Variants in MTIF2 observed in about 807,000 individuals in gnomAD.
MTIF2 encodes the protein mitochondrial translational initiation factor 2.
MTIF2 carries 71 observed loss-of-function variants against 83.5 expected under a neutral mutation model. The ratio of observed to expected loss-of-function variants is 0.85; its 90% CI spans 0.70 to 1.04. MTIF2 has a LOEUF of 1.04. MTIF2 is among the 50% of genes least tolerant of loss of function. The pLI is 0.00. For missense variants in MTIF2, 957 were observed against 846.5 expected, an observed-to-expected ratio of 1.13 and a Z score of -1.62; for synonymous variants, 319 against 287.1, an observed-to-expected ratio of 1.11 and a Z score of -1.12.
At chr2:55,265,438 G>A (rs913195498) in intron 3 of MTIF2, among the ~76,000 whole-genome samples, 1 of 151,520 alleles carries the variant, frequency 6.6e-6, no homozygotes, top group Non-Finnish European at 1.5e-5. Flanking sequence ...CACTACCTAT[G>A]ATGACTGATT....
At chr2:55,259,733 CAGG>C (rs747430824) in intron 5 of MTIF2, among the ~76,000 whole-genome samples, 1 of 152,154 alleles carries the variant, frequency 6.6e-6, no homozygotes, top group Non-Finnish European at 1.5e-5. Context: ...CACTTGAGGT[CAGG>C]AGTTCAAGAC....
chr2:55,249,336 G>T (rs1240296102), intron 9 of MTIF2, 59 bp downstream of exon 9: 3 of 1,576,756 alleles, frequency 1.9e-6, no homozygotes, highest in East Asian at 4.5e-5. Flanking sequence ...GTAATATACT[G>T]TGTGCATTAT....
Position 55,246,438 on chromosome 2 carries a change from T to C in MTIF2, c.1005A>G (p.Ala335=), listed in dbSNP as rs1301395926. ...TTTCTGCAAGAGCAACTGTTGCTTCTGCCAAAGCCATCAGATTATCGCCCT... is the reference window on the plus strand; with the variant it reads ...TTTCTGCAAGAGCAACTGTTGCTTCCGCCAAAGCCATCAGATTATCGCCCT... The part of the protein sequence containing the change: ...ALTGDNLMAL[A]EATVALAEML... Residue 335 remains alanine, a synonymous_variant, in exon 10 of 16, where the codon GCA becomes GCG. Coordinates refer to ENST00000263629, the MANE Select transcript of MTIF2 (RefSeq NM_002453.3). 1.2e-6 allele frequency: 2 copies of C among 1,613,682 alleles called. No homozygotes were observed. Among genetic ancestry groups the C allele is most frequent in the African/African-American group, 2.7e-5 (2 of 74,938 alleles).
At position 55,263,749 on chromosome 2, in the gene MTIF2, A is replaced by C. The variant is rs1293190349; in HGVS notation, c.110T>G (p.Phe37Cys). ...TGTCCACACAGGGTAAGCAGATGAAAACCCATGCCTCCACTGTCTTAATGC... is the reference window on the plus strand; with the variant it reads ...TGTCCACACAGGGTAAGCAGATGAACACCCATGCCTCCACTGTCTTAATGC... ...RRALRQWRHG[F>C]SSAYPVWTAQ... The change falls in exon 4 of 16, where the codon TTT (phenylalanine) becomes TGT (cysteine). Residue 37 changes from phenylalanine (F) to cysteine (C), a missense_variant. Transcript: ENST00000263629. The C allele has an allele frequency of 8.1e-6, 13 of 1,614,172 alleles. No homozygotes were observed. Among genetic ancestry groups the C allele is most frequent in the Middle Eastern group, 3.3e-4 (2 of 6,062 alleles).
At chr2:55,242,856 A>ATCTCGGTGGT in intron 13 of MTIF2, 84 bp downstream of exon 13, 2 of 1,413,914 alleles carry the variant, frequency 1.4e-6, no homozygotes, top group Non-Finnish European at 9.6e-7. Context: ...GTCAGGTGTG[A>ATCTCGGTGGT]CAAGCCAAGC....
At chr2:55,246,156 A>G (rs1185820409) in intron 10 of MTIF2, among the ~76,000 whole-genome samples, 181 bp downstream of exon 10, 1 of 152,260 alleles carries the variant, frequency 6.6e-6, no homozygotes, top group Non-Finnish European at 1.5e-5. Flanking sequence ...GTCTACTGAT[A>G]ATAACTGCAT....
intron 13 of MTIF2, 125 bp downstream of exon 13, chr2:55,242,815 A>C: frequency 1.1e-6 from 1 of 939,832 alleles, no homozygotes; most frequent in Non-Finnish European, 1.6e-6. Flanking sequence ...ACTGGACTAT[A>C]GCAGGAAGGG....
At chr2:55,251,546 T>C (rs1317636380) in intron 8 of MTIF2, among the ~76,000 whole-genome samples, 5 of 152,206 alleles carry the variant, frequency 3.3e-5, no homozygotes, top group Admixed American at 6.6e-5. Flanking sequence ...CTGGGGGTAA[T>C]ATGACACACT....
chr2:55,254,321 G>C, intron 6 of MTIF2, 120 bp from the exon 7 acceptor site: 2 of 1,139,190 alleles, frequency 1.8e-6, no homozygotes, highest in East Asian at 2.6e-5. Context: ...TATTCAGTGT[G>C]GATTAGACCT....
At chr2:55,243,780 C>G (rs1168135926) in intron 11 of MTIF2, 112 bp from the exon 12 acceptor site, 2 of 1,162,420 alleles carry the variant, frequency 1.7e-6, no homozygotes, top group Non-Finnish European at 2.4e-6. Flanking sequence ...TATGAAACTA[C>G]TACTTTTATA....
chr2:55,253,930 A>T, intron 7 of MTIF2, 111 bp downstream of exon 7: 1 of 1,167,326 alleles, frequency 8.6e-7, no homozygotes. Flanking sequence ...TAATGACTGC[A>T]AGCTTTAGCC....
At chr2:55,244,328 A>C in intron 10 of MTIF2, 95 bp from the exon 11 acceptor site, 1 of 900,008 alleles carries the variant, frequency 1.1e-6, no homozygotes, top group Non-Finnish European at 1.7e-6. Flanking sequence ...AAACATGTGT[A>C]TACACAAGAT....
Position 55,240,051 on chromosome 2 carries a change from C to T in MTIF2, c.1830G>A (p.Leu610=), listed in dbSNP as rs747991816. 6.2e-7 allele frequency: 1 copy of T among 1,613,364 alleles called. No homozygotes were observed. The highest frequency in any genetic ancestry group is 2.2e-5 in the East Asian group (1 of 44,872). Reference sequence around the variant, plus strand: ...CCACAGCACAGGGTAATCTGCTGCTCAGTTCCTCTTGCAAATCTTCAACAA... The same window carrying T: ...CCACAGCACAGGGTAATCTGCTGCTTAGTTCCTCTTGCAAATCTTCAACAA... ...YRLVEDLQEE[L]SSRLPCAVEE... The change falls in exon 14 of 16, where the codon CTG becomes CTA. Residue 610 remains leucine (L), a synonymous_variant. Coordinates refer to ENST00000263629, the MANE Select transcript of MTIF2 (RefSeq NM_002453.3).
chr2:55,237,649 C>CTTTTTTTTTTTTTT lies in MTIF2; in HGVS notation c.1871-235_1871-222dup, dbSNP rs536036933. Among the ~76,000 whole-genome samples the CTTTTTTTTTTTTTT allele has an allele frequency of 1.9e-3, 216 of 112,928 alleles. 4 individuals carry two copies. The highest frequency in any genetic ancestry group is 2.3e-3 in the Non-Finnish European group (138 of 59,248). 74.1% of individuals were successfully genotyped at this position (112,928 alleles called of 152,430 possible). On this transcript the variant is annotated intron_variant, in intron 14 of 15. Coordinates refer to ENST00000263629, the MANE Select transcript of MTIF2 (RefSeq NM_002453.3). ...GCTATTCTTTTCCTTTTCTTTTTTT[C>CTTTTTTTTTTTTTT]TTTTTTTTTTTTTTTTTTTGAGACA...
chr2:55,268,069 A>T (rs1449512418), intron 2 of MTIF2, among the ~76,000 whole-genome samples: 2 of 152,118 alleles, frequency 1.3e-5, no homozygotes, highest in African/African-American at 4.8e-5. Flanking sequence ...CCTGGCCAAC[A>T]TGGTGAAACC....
chr2:55,242,345 C>G (rs1451751982), intron 13 of MTIF2, among the ~76,000 whole-genome samples: 1 of 152,082 alleles, frequency 6.6e-6, no homozygotes, highest in Non-Finnish European at 1.5e-5. Flanking sequence ...TAAATGATTC[C>G]TAATCACTCA....
intron 5 of MTIF2, 129 bp downstream of exon 5, chr2:55,262,187 A>G: frequency 1.4e-6 from 1 of 694,588 alleles, no homozygotes; most frequent in Admixed American, 2.7e-5. Flanking sequence ...GAAGAATATT[A>G]CAATGACTTA....
Position 55,239,994 on chromosome 2 carries a change from A to G in MTIF2, c.1870+17T>C, listed in dbSNP as rs1250721508. The G allele has an allele frequency of 1.3e-6, 2 of 1,588,742 alleles. No homozygotes were observed. The highest frequency in any genetic ancestry group is 1.7e-6 in the Non-Finnish European group (2 of 1,164,256). On this transcript the variant is annotated intron_variant, in intron 14 of 15. Coordinates refer to ENST00000263629, the MANE Select transcript of MTIF2 (RefSeq NM_002453.3). ...TAATATACTAATTTTTAAAAGTAAC[A>G]TTCAGTGATCACTCACCTACTGGGT...
intron 6 of MTIF2, 52 bp downstream of exon 6, chr2:55,254,602 A>G (rs1677370693): frequency 7.2e-7 from 1 of 1,380,046 alleles, no homozygotes; most frequent in African/African-American, 1.5e-5. Context: ...AAGTGTAAAT[A>G]TAACTATGTA....
Sources: gnomAD v4.1 joint callset for allele counts (sites outside exome capture counted in the v4.1 genomes callset) on GRCh38, gnomAD v4.1.1 for gene constraint, MANE v1.5 for transcripts, NCBI Gene and HGNC (gene_info 2026-07-23, HGNC 2026-07-21) for gene names.